Variants in SHC2 observed in about 807,000 individuals in gnomAD.
SHC2 encodes SHC-transforming protein 2.
SHC2 carries 62 observed loss-of-function variants against 60.6 expected under a neutral mutation model. The ratio of observed to expected loss-of-function variants is 1.02; its 90% CI spans 0.83 to 1.26. SHC2 has a LOEUF of 1.26. Ranked by LOEUF, SHC2 falls within the 50% of genes most tolerant of loss-of-function variation. The pLI, the probability that SHC2 is intolerant of heterozygous loss-of-function variation, is 0.00. For synonymous variants in SHC2, 375 were observed against 372.4 expected, an observed-to-expected ratio of 1.01 and a Z score of -0.08; for missense variants, 873 against 822.2, an observed-to-expected ratio of 1.06 and a Z score of -0.76.
chr19:439,102 C>T, intron 2 of SHC2, 72 bp from the exon 3 acceptor site: 2 of 341,210 alleles, frequency 5.9e-6, no homozygotes, highest in Admixed American at 7.3e-5. Context: ...AGGAAGGGGT[C>T]AGAGAGGGCG....
chr19:428,001 G>T (rs1420575074), intron 9 of SHC2, among the ~76,000 whole-genome samples: 1 of 152,170 alleles, frequency 6.6e-6, no homozygotes, highest in Non-Finnish European at 1.5e-5. Flanking sequence ...CACAGGGAAG[G>T]GAGGATCTCT....
rs1284976862 is a variant in SHC2 at position 425,364 on chromosome 19, G to C, written c.1175-133C>G. The C allele has an allele frequency of 8.0e-6, 6 of 745,568 alleles. No homozygotes were observed. Among genetic ancestry groups the C allele is most frequent in the Non-Finnish European group, 1.1e-5 (6 of 542,882 alleles). The allele number at this position is 745,568 out of a possible 1,614,324, so 46.2% of individuals were successfully genotyped here. A position where few individuals can be genotyped will look rare whatever the true frequency, so the allele number is the denominator to read the frequency against. On this transcript the variant is annotated intron_variant, in intron 9 of 12. Transcript: ENST00000264554. This position sits in a 1 kb window ranked among gnomAD's most constrained non-coding sequence, Gnocchi z 4.1. ...CTGGCTGCAGGGCGGATGCTGCTCT[G>C]GTCTCCCTGTGGTAACCCGCCCGTC...
At chr19:417,958 C>A (rs571021415) in intron 12 of SHC2, among the ~76,000 whole-genome samples, 2 of 152,226 alleles carry the variant, frequency 1.3e-5, no homozygotes, top group Non-Finnish European at 2.9e-5. Context: ...TTCCACAGCC[C>A]CCTCCCCCTG....
intron 9 of SHC2, among the ~76,000 whole-genome samples, chr19:426,517 G>T (rs1337903544): frequency 9.9e-6 from 1 of 100,876 alleles, no homozygotes. Flanking sequence ...AGAGTCCGGG[G>T]AGGGAGGACG....
At chr19:456,003 C>T (rs1415320906) in intron 1 of SHC2, among the ~76,000 whole-genome samples, 3 of 152,158 alleles carry the variant, frequency 2.0e-5, no homozygotes, top group South Asian at 2.1e-4. Context: ...CAGGTGCGTG[C>T]GTGACGAGTG....
In SHC2 at chr19:446,852, G is replaced by A. The variant is rs897739314; in HGVS notation, c.469-5920C>T. On this transcript the variant is annotated intron_variant, in intron 1 of 12. Transcript: ENST00000264554. The surrounding 1 kb of genome is among the most constrained non-coding windows in gnomAD (Gnocchi z 5.4). ...ATGGCACCTGGCCGGCCTCACGCACGCAGCAGGCCAGGGCAGATACAAGCC... is the reference window on the plus strand; with the variant it reads ...ATGGCACCTGGCCGGCCTCACGCACACAGCAGGCCAGGGCAGATACAAGCC... Among the ~76,000 whole-genome samples, 17 of 152,142 alleles carry A rather than the reference G, an allele frequency of 1.1e-4. No individual in the cohort carries two copies. Among genetic ancestry groups the A allele is most frequent in the South Asian group, 4.1e-4 (2 of 4,830 alleles).
rs1975061073 is a variant in SHC2, at chr19:446,646, G to A, written c.469-5714C>T. 6.6e-6 allele frequency among the ~76,000 whole-genome samples: 1 copy of A among 152,086 alleles called. No homozygotes were observed. Among genetic ancestry groups the A allele is most frequent in the South Asian group, 2.1e-4 (1 of 4,824 alleles). ...GCCCCACAGTTTGTGGTGGTTTGTG[G>A]TGGCAGCCCCGGGACCCTCCCACAG... On this transcript the variant is annotated intron_variant, in intron 1 of 12. Coordinates refer to ENST00000264554, the MANE Select transcript of SHC2 (RefSeq NM_012435.3). The surrounding 1 kb of genome is among the most constrained non-coding windows in gnomAD (Gnocchi z 5.4).
rs183490458 is a variant in SHC2, at chr19:422,682, C to T, written c.1310-226G>A. ...CTCCCCAGGTTGGGTTTTCTAGGCA[C>T]GTACTAAGCATGTACAAAGGGTAAC... On this transcript the variant is annotated intron_variant, in intron 10 of 12. Transcript: ENST00000264554. The surrounding 1 kb of genome is among the most constrained non-coding windows in gnomAD (Gnocchi z 5.0). The T allele has an allele frequency of 3.9e-5, 20 of 516,412 alleles. No individual in the cohort carries two copies. Among genetic ancestry groups the T allele is most frequent in the African/African-American group, 9.6e-5 (5 of 52,084 alleles). 32.0% of individuals were successfully genotyped at this position (516,412 alleles called of 1,614,324 possible).
chr19:438,413 G>C lies in SHC2; in HGVS notation c.720+305C>G, dbSNP rs894677526. On this transcript the variant is annotated intron_variant, in intron 4 of 12. Transcript: ENST00000264554. This position sits in a 1 kb window ranked among gnomAD's most constrained non-coding sequence, Gnocchi z 5.0. ...CCCTCCCCAGGCACTGTGGATGTTG[G>C]GACGGACCACTCTCTGGGGTGGGGC... Among the ~76,000 whole-genome samples, 1 of 152,212 alleles carries C rather than the reference G, an allele frequency of 6.6e-6. No homozygotes were observed. The highest frequency in any genetic ancestry group is 1.5e-5 in the Non-Finnish European group (1 of 68,032).
intron 1 of SHC2, among the ~76,000 whole-genome samples, chr19:458,621 C>A (rs867679375): frequency 4.2e-4 from 14 of 33,666 alleles, no homozygotes; most frequent in South Asian, 8.3e-4. Context: ...GGGAGGCGGA[C>A]GCGGGTTCCG....
intron 11 of SHC2, 71 bp from the exon 12 acceptor site, chr19:419,127 C>G: frequency 6.8e-7 from 1 of 1,481,220 alleles, no homozygotes; most frequent in East Asian, 2.5e-5. Context: ...TATTGGCGTT[C>G]TGGGGTCCTG....
chr19:417,247 G>T lies in SHC2; in HGVS notation c.*81C>A, dbSNP rs1368714453. On this transcript the variant is annotated 3_prime_UTR_variant, in exon 13 of 13. Coordinates refer to ENST00000264554, the MANE Select transcript of SHC2 (RefSeq NM_012435.3). ...CGGCCTGACCAGGATCCAGGAGGAG[G>T]GCTGAGAGCCCCAAGGCCATGACAG... is the stretch of plus-strand genomic sequence containing the variant. 6.5e-6 allele frequency: 1 copy of T among 153,092 alleles called. No homozygotes were observed. The highest frequency in any genetic ancestry group is 2.4e-5 in the African/African-American group (1 of 41,472). The allele number at this position is 153,092 out of a possible 1,614,324, so 9.5% of individuals were successfully genotyped here. A position where few individuals can be genotyped will look rare whatever the true frequency, so the allele number is the denominator to read the frequency against.
chr19:422,278 C>A lies in SHC2; in HGVS notation c.1488G>T (p.Ala496=). ...CGTCAGCTCGAAGCATCCTCTCTGCCGCCCGGCGGCTCATCCGGCCGTGGT... is the reference window on the plus strand; with the variant it reads ...CGTCAGCTCGAAGCATCCTCTCTGCAGCCCGGCGGCTCATCCGGCCGTGGT... ...PWYHGRMSRR[A]AERMLRADGD... is the part of the protein sequence containing the mutation. Residue 496 remains alanine, a synonymous_variant, in exon 11 of 13, where the codon GCG becomes GCT. Transcript: ENST00000264554. The surrounding 1 kb of genome is among the most constrained non-coding windows in gnomAD (Gnocchi z 5.0). 2 of 1,612,406 alleles carry A rather than the reference C, an allele frequency of 1.2e-6. No homozygotes were observed. Among genetic ancestry groups the A allele is most frequent in the South Asian group, 1.1e-5 (1 of 90,956 alleles).
chr19:436,394 G>A lies in SHC2; in HGVS notation c.812C>T (p.Pro271Leu). 2 of 1,594,058 alleles carry A rather than the reference G, an allele frequency of 1.3e-6. No homozygotes were observed. The highest frequency in any genetic ancestry group is 1.7e-6 in the Non-Finnish European group (2 of 1,167,222). ...GGGGGCCTCACCTCTCTGGTTGATG[G>A]GGTCCTTGGCGACGTAGGCCACGTA... ...TDYVAYVAKDPINQRACHILE... is the reference protein window; with the variant it reads ...TDYVAYVAKDLINQRACHILE... Residue 271 changes from proline to leucine, a missense_variant, in exon 6 of 13, where the codon CCC becomes CTC. By Grantham distance (98) the Pro-to-Leu change is moderately conservative. Transcript: ENST00000264554.
At chr19:436,351 AC>A in intron 6 of SHC2, 28 bp downstream of exon 6, 1 of 1,595,458 alleles carries the variant, frequency 6.3e-7, no homozygotes, top group Non-Finnish European at 8.6e-7. Context: ...CAGCCACAGG[AC>A]CCCCACCGGC....
Position 460,606 on chromosome 19 carries a change from A to T in SHC2, c.391T>A (p.Phe131Ile). ...CAGCCGTGCGCGGGTTTGTGGATGA[A>T]GCTGCCCTTCCGGATCCACTCGGCG... ...AAAEWIRKGS[F>I]IHKPAHGWLH... The change falls in exon 1 of 13, where the codon TTC becomes ATC. Residue 131 changes from phenylalanine (F) to isoleucine (I), a missense_variant. Phe to Ile is a conservative substitution (Grantham distance 21). Coordinates refer to ENST00000264554, the MANE Select transcript of SHC2 (RefSeq NM_012435.3). 7.2e-7 allele frequency: 1 copy of T among 1,380,318 alleles called. No homozygotes were observed. The allele number at this position is 1,380,318 out of a possible 1,614,324, so 85.5% of individuals were successfully genotyped here.
In SHC2 at chr19:441,265, G is replaced by C; in HGVS notation, c.469-333C>G. The C allele has an allele frequency of 1.5e-6, 1 of 661,296 alleles. No homozygotes were observed. Among genetic ancestry groups the C allele is most frequent in the Non-Finnish European group, 1.9e-6 (1 of 537,416 alleles). 41.0% of individuals were successfully genotyped at this position (661,296 alleles called of 1,614,324 possible). On this transcript the variant is annotated intron_variant, in intron 1 of 12. Transcript: ENST00000264554. This position sits in a 1 kb window ranked among gnomAD's most constrained non-coding sequence, Gnocchi z 4.9. Reference sequence around the variant, plus strand: ...TCCACCAGCACCGAAGCCGAGGAGCGTGGGGATGGTGCGATCCTGAGCACT... The same window carrying C: ...TCCACCAGCACCGAAGCCGAGGAGCCTGGGGATGGTGCGATCCTGAGCACT...
At chr19:458,742 G>C (rs1268908552) in intron 1 of SHC2, among the ~76,000 whole-genome samples, 4,126 of 131,080 alleles carry the variant, frequency 0.031, 67 homozygotes, top group Non-Finnish European at 0.049. Context: ...GTTCCGGGGA[G>C]GCGGAAGCGG....
Position 441,022 on chromosome 19 carries a change from A to C in SHC2, c.469-90T>G. 6.5e-7 allele frequency: 1 copy of C among 1,531,040 alleles called. No individual in the cohort carries two copies. The allele number at this position is 1,531,040 out of a possible 1,614,324, so 94.8% of individuals were successfully genotyped here. A position where few individuals can be genotyped will look rare whatever the true frequency, so the allele number is the denominator to read the frequency against. On this transcript the variant is annotated intron_variant, in intron 1 of 12. Transcript: ENST00000264554. This position sits in a 1 kb window ranked among gnomAD's most constrained non-coding sequence, Gnocchi z 4.9. ...CCAGCAGCCCTTCGCCGCCTCCACC[A>C]CCCCTGGGGTCGAGCCCTTTCCTCT... is the stretch of plus-strand genomic sequence containing the variant.
Sources: allele counts gnomAD v4.1 joint callset (sites outside exome capture counted in the v4.1 genomes callset), GRCh38; gene constraint gnomAD v4.1.1; non-coding constraint Gnocchi (gnomAD v3.1); transcripts MANE v1.5; gene names NCBI Gene and HGNC (gene_info 2026-07-23, HGNC 2026-07-21).